The following LPIN1 variants were observed in gnomAD, a reference collection of about 807,000 sequenced individuals.
LPIN1 encodes the protein lipin 1.
A neutral mutation model predicts 107.5 loss-of-function variants in LPIN1; 71 were observed. The observed-to-expected ratio is 0.66, with a 90% CI of 0.55 to 0.80. The LOEUF (loss-of-function observed/expected upper bound fraction) is 0.80. LPIN1 is among the 30% of genes least tolerant of loss of function. LPIN1 has a pLI of 0.00. For missense variants in LPIN1, 1,043 were observed against 1,160.6 expected, an observed-to-expected ratio of 0.90 and a Z score of 1.47; for synonymous variants, 445 against 452.6, an observed-to-expected ratio of 0.98 and a Z score of 0.21.
rs78800346 is a variant in LPIN1, at chr2:11,765,930, A to C, written c.192+197A>C. Among the ~76,000 whole-genome samples, 3,383 of 152,328 alleles carry C rather than the reference A, an allele frequency of 0.022. 139 individuals carry two copies. Among genetic ancestry groups the C allele is most frequent in the African/African-American group, 0.077 (3,197 of 41,558 alleles). ...TGTGTAAATTAAAGTGCCGTGGCAC[A>C]CACCACTGTTTATTAAGCTCCTGTA... On this transcript the variant is annotated intron_variant, in intron 2 of 20. Coordinates refer to ENST00000674199, the MANE Select transcript of LPIN1 (RefSeq NM_001349206.2). This position sits in a 1 kb window ranked among gnomAD's most constrained non-coding sequence, Gnocchi z 4.4.
At chr2:11,727,798 T>C (rs942079455) in intron 1 of LPIN1, among the ~76,000 whole-genome samples, 1 of 152,230 alleles carries the variant, frequency 6.6e-6, no homozygotes, top group Non-Finnish European at 1.5e-5. Flanking sequence ...GATTTGCTTA[T>C]TTTTTCAATC....
At chr2:11,740,475 GT>G (rs1666227145) in intron 1 of LPIN1, among the ~76,000 whole-genome samples, 1 of 152,044 alleles carries the variant, frequency 6.6e-6, no homozygotes, top group Non-Finnish European at 1.5e-5. Flanking sequence ...GAGCTCAGGA[GT>G]TCCAGACAAG....
At chr2:11,788,510 A>G in intron 12 of LPIN1, 54 bp downstream of exon 12, 3 of 1,337,362 alleles carry the variant, frequency 2.2e-6, no homozygotes, top group Non-Finnish European at 2.2e-6. Flanking sequence ...GGGTAGCTTA[A>G]TCTGGGGTGG....
chr2:11,698,516 G>T (rs756792472), intron 1 of LPIN1, among the ~76,000 whole-genome samples: 1 of 152,184 alleles, frequency 6.6e-6, no homozygotes, highest in Non-Finnish European at 1.5e-5. Flanking sequence ...TTCTGCAGAA[G>T]AACCCACTCA....
intron 2 of LPIN1, 164 bp from the exon 3 acceptor site, chr2:11,767,599 G>C (rs1671128628): frequency 1.5e-6 from 1 of 672,794 alleles, no homozygotes; most frequent in Non-Finnish European, 2.7e-6. Context: ...CAGTCCTCAA[G>C]TGACAGTTCC....
chr2:11,748,045 G>T (rs78800602), intron 1 of LPIN1, among the ~76,000 whole-genome samples: 1 of 152,220 alleles, frequency 6.6e-6, no homozygotes, highest in African/African-American at 2.4e-5. Context: ...AGCACAGGGG[G>T]ACAAGGGGCG....
At chr2:11,726,805 C>A (rs1409707464) in intron 1 of LPIN1, among the ~76,000 whole-genome samples, 1 of 152,226 alleles carries the variant, frequency 6.6e-6, no homozygotes, top group African/African-American at 2.4e-5. Context: ...CCTCTGCAGT[C>A]TCCTCCAAGC....
chr2:11,820,954 T>C (rs985958029), intron 20 of LPIN1, among the ~76,000 whole-genome samples: 16 of 152,242 alleles, frequency 1.1e-4, no homozygotes, highest in Non-Finnish European at 2.1e-4. Context: ...TCCCTTCATA[T>C]TTTTGGTCAA....
intron 14 of LPIN1, among the ~76,000 whole-genome samples, chr2:11,801,565 G>A (rs1424810188): frequency 2.0e-5 from 3 of 152,146 alleles, no homozygotes; most frequent in African/African-American, 7.2e-5. Context: ...ATTTCATGGA[G>A]GTAGAGAGTA....
At chr2:11,792,078 G>GT (rs1411442129) in intron 13 of LPIN1, 72 bp downstream of exon 13, 1 of 1,268,780 alleles carries the variant, frequency 7.9e-7, no homozygotes, top group Non-Finnish European at 1.1e-6. Context: ...TGGTTTTCAT[G>GT]TACTTACATC....
intron 1 of LPIN1, among the ~76,000 whole-genome samples, chr2:11,680,114 G>T (rs1661631809): frequency 6.6e-6 from 1 of 152,202 alleles, no homozygotes; most frequent in African/African-American, 2.4e-5. Flanking sequence ...AGCAGTCCAG[G>T]AATGCTGAGG....
rs574483334 is a variant in LPIN1, at chr2:11,732,006, T to C, written c.-72+7467T>C. 3.7e-4 allele frequency among the ~76,000 whole-genome samples: 57 copies of C among 152,332 alleles called. 3 individuals carry two copies. In the South Asian group the frequency reaches 6.4e-3, roughly 17 times the overall value. ...TGTCAGATGGGTAGATTGCAAAAAT[T>C]TTCTCCCATTCTGTAGGTTGCCTGT... On this transcript the variant is annotated intron_variant, in intron 1 of 21. Coordinates refer to the LPIN1 transcript ENST00000396097.
chr2:11,739,271 T>C (rs550111934), intron 1 of LPIN1, among the ~76,000 whole-genome samples: 1 of 152,222 alleles, frequency 6.6e-6, no homozygotes, highest in Non-Finnish European at 1.5e-5. Flanking sequence ...GCAGATCCTT[T>C]GGCCCCAGTC....
rs1572818540 is a variant in LPIN1, at chr2:11,786,163, A to G, written c.1550-911A>G. Among the ~76,000 whole-genome samples the G allele has an allele frequency of 6.6e-6, 1 of 152,192 alleles. No homozygotes were observed. The highest frequency in any genetic ancestry group is 1.9e-4 in the East Asian group (1 of 5,176). ...GTCCAGTCCTTACAGGTGAGGCCAGATCGTCACAGTCAGGAGACCCCAGGA... is the reference window on the plus strand; with the variant it reads ...GTCCAGTCCTTACAGGTGAGGCCAGGTCGTCACAGTCAGGAGACCCCAGGA... On this transcript the variant is annotated intron_variant, in intron 10 of 20. Transcript: ENST00000674199. The surrounding 1 kb of genome is among the most constrained non-coding windows in gnomAD (Gnocchi z 4.1).
intron 4 of LPIN1, among the ~76,000 whole-genome samples, chr2:11,772,069 T>G (rs1209011797): frequency 6.6e-6 from 1 of 152,092 alleles, no homozygotes; most frequent in East Asian, 1.9e-4. Flanking sequence ...TCACAAGGAG[T>G]GCGCAGCCCA....
At chr2:11,812,889 C>T (rs760531728) in intron 17 of LPIN1, among the ~76,000 whole-genome samples, 11 of 150,754 alleles carry the variant, frequency 7.3e-5, no homozygotes, top group Admixed American at 4.0e-4. Flanking sequence ...GCGGTGTGGA[C>T]GTGGTGGGAG....
At chr2:11,677,926 G>A (rs147928976) in intron 1 of LPIN1, among the ~76,000 whole-genome samples, 1 of 152,260 alleles carries the variant, frequency 6.6e-6, no homozygotes, top group African/African-American at 2.4e-5. Flanking sequence ...TCAGAAGGCT[G>A]CATTTATAGA....
At chr2:11,727,660 A>G (rs771586586) in intron 1 of LPIN1, among the ~76,000 whole-genome samples, 18 of 152,324 alleles carry the variant, frequency 1.2e-4, no homozygotes, top group South Asian at 4.1e-4. Context: ...TTATCTTTCT[A>G]TATTTTAAAG....
chr2:11,753,381 C>T (rs1257101211), intron 1 of LPIN1, among the ~76,000 whole-genome samples: 3 of 152,216 alleles, frequency 2.0e-5, no homozygotes, highest in African/African-American at 7.2e-5. Flanking sequence ...GAATGTCTCA[C>T]GAACCCTGGC....
Sources: allele counts gnomAD v4.1 joint callset (sites outside exome capture counted in the v4.1 genomes callset), GRCh38; gene constraint gnomAD v4.1.1; non-coding constraint Gnocchi (gnomAD v3.1); transcripts MANE v1.5; gene names NCBI Gene and HGNC (gene_info 2026-07-23, HGNC 2026-07-21).